Variants in NBAS observed in about 807,000 individuals in gnomAD.
NBAS encodes NBAS subunit of NRZ tethering complex.
A neutral mutation model predicts 302.5 loss-of-function variants in NBAS; 219 were observed. That is an observed-to-expected ratio of 0.72 (90% CI 0.65 to 0.81). The LOEUF is 0.81. Among genes scored for constraint, NBAS ranks in the 30% least tolerant of loss-of-function variants. NBAS has a pLI of 0.00. For synonymous variants in NBAS, 1,118 were observed against 1,021.6 expected (o/e 1.09, Z -1.80); for missense variants, 2,932 against 2,841.6 (o/e 1.03, Z -0.72).
At chr2:14,859,028 A>G in the NBAS span, among the ~76,000 whole-genome samples, 1 of 152,066 alleles carries the variant, frequency 6.6e-6, no homozygotes, top group Non-Finnish European at 1.5e-5. Flanking sequence ...AGTAGCATTT[A>G]TATATGCCAA....
the NBAS span, among the ~76,000 whole-genome samples, chr2:15,154,716 ACCC>A: frequency 1.3e-5 from 2 of 152,090 alleles, no homozygotes; most frequent in Non-Finnish European, 1.5e-5. Flanking sequence ...CATCAAGCTG[ACCC>A]TGCACTGATT....
the NBAS span, among the ~76,000 whole-genome samples, chr2:15,078,427 G>A: frequency 1.3e-5 from 2 of 152,112 alleles, no homozygotes; most frequent in South Asian, 2.1e-4. Context: ...TCCTTTCTTC[G>A]AGAAAGTTCA....
chr2:15,253,517 T>C (rs545348582), intron 44 of NBAS, among the ~76,000 whole-genome samples: 1 of 152,302 alleles, frequency 6.6e-6, no homozygotes, highest in East Asian at 1.9e-4. Flanking sequence ...CTGAGGTATG[T>C]GTGCCACTAG....
At chr2:15,188,849 G>T (rs143363051) in intron 49 of NBAS, among the ~76,000 whole-genome samples, 15 of 152,112 alleles carry the variant, frequency 9.9e-5, no homozygotes, top group Non-Finnish European at 1.9e-4. Context: ...GGGAAATGAG[G>T]GTTAAGAAGA....
At chr2:15,119,846 T>C in the NBAS span, among the ~76,000 whole-genome samples, 1 of 152,068 alleles carries the variant, frequency 6.6e-6, no homozygotes, top group Non-Finnish European at 1.5e-5. Context: ...TCTGCAAAGT[T>C]TGTCACCTTA....
intron 9 of NBAS, among the ~76,000 whole-genome samples, chr2:15,527,999 C>T (rs934585885): frequency 6.6e-6 from 1 of 152,072 alleles, no homozygotes; most frequent in Non-Finnish European, 1.5e-5. Flanking sequence ...CTTACCACTC[C>T]CAATTAATGG....
intron 41 of NBAS, 78 bp from the exon 42 acceptor site, chr2:15,287,261 A>T (rs1670087977): frequency 1.9e-6 from 2 of 1,074,312 alleles, no homozygotes; most frequent in South Asian, 2.6e-5. Flanking sequence ...AATGCTCATT[A>T]GGACTGCTCT....
intron 50 of NBAS, among the ~76,000 whole-genome samples, chr2:15,180,813 G>T (rs1664783866): frequency 6.6e-6 from 1 of 152,190 alleles, no homozygotes; most frequent in Non-Finnish European, 1.5e-5. Context: ...AGGCAGTATG[G>T]CTGCTGGGTG....
At chr2:15,041,895 G>A in the NBAS span, among the ~76,000 whole-genome samples, 125,198 of 152,130 alleles carry the variant, frequency 0.82, 51,872 homozygotes, top group East Asian at 0.99. Flanking sequence ...AGGCCTGGGA[G>A]GATGGGGCCA....
chr2:14,872,715 G>A, the NBAS span, among the ~76,000 whole-genome samples: 1 of 152,192 alleles, frequency 6.6e-6, no homozygotes, highest in Non-Finnish European at 1.5e-5. Flanking sequence ...CTTCAGGAGT[G>A]AAGCTGCAGA....
the NBAS span, among the ~76,000 whole-genome samples, chr2:15,113,669 C>T: frequency 6.6e-6 from 1 of 152,020 alleles, no homozygotes; most frequent in African/African-American, 2.4e-5. Flanking sequence ...ACCCTGATAT[C>T]CTTCTCTCCA....
intron 48 of NBAS, among the ~76,000 whole-genome samples, chr2:15,211,018 GTAGAAAAAAAGAGT>G (rs1666383875): frequency 6.6e-6 from 1 of 151,790 alleles, no homozygotes; most frequent in Non-Finnish European, 1.5e-5. Flanking sequence ...TGATTAATAG[GTAGAAAAAAAGAGT>G]TAGAATAAAT....
the NBAS span, among the ~76,000 whole-genome samples, chr2:15,108,432 C>T: frequency 4.5e-4 from 68 of 152,220 alleles, no homozygotes; most frequent in Middle Eastern, 3.4e-3. Flanking sequence ...AAAACTTTTG[C>T]TCTTTCCACC....
chr2:15,279,190 G>A (rs1669720403), intron 42 of NBAS, among the ~76,000 whole-genome samples: 1 of 152,130 alleles, frequency 6.6e-6, no homozygotes, highest in Non-Finnish European at 1.5e-5. Context: ...GCCAAAAGGA[G>A]GAAAGAAAAC....
chr2:14,991,822 A>G, the NBAS span, among the ~76,000 whole-genome samples: 1 of 152,194 alleles, frequency 6.6e-6, no homozygotes, highest in Non-Finnish European at 1.5e-5. Flanking sequence ...TTTGAGGAGC[A>G]CTGTTCTAGA....
At chr2:14,917,148 C>T in the NBAS span, among the ~76,000 whole-genome samples, 2 of 152,178 alleles carry the variant, frequency 1.3e-5, no homozygotes, top group Admixed American at 6.6e-5. Context: ...TTTGTTGTCT[C>T]ATGATTGTTT....
chr2:15,443,116 T>G (rs999124552), intron 21 of NBAS, among the ~76,000 whole-genome samples: 4 of 151,952 alleles, frequency 2.6e-5, no homozygotes, highest in Non-Finnish European at 5.9e-5. Context: ...CTATTCCAAT[T>G]AACAGAAAAA....
At chr2:15,119,500 C>CTG in the NBAS span, among the ~76,000 whole-genome samples, 1 of 151,886 alleles carries the variant, frequency 6.6e-6, no homozygotes, top group Non-Finnish European at 1.5e-5. Flanking sequence ...GCCACCACGC[C>CTG]CAGCTAATTT....
the NBAS span, among the ~76,000 whole-genome samples, chr2:15,080,972 G>A: frequency 1.3e-5 from 2 of 152,080 alleles, no homozygotes; most frequent in Non-Finnish European, 2.9e-5. Context: ...TTGATGGACA[G>A]CTGCCAAGGA....
Sources: allele counts gnomAD v4.1 joint callset (sites outside exome capture counted in the v4.1 genomes callset), GRCh38; gene constraint gnomAD v4.1.1; transcripts MANE v1.5; gene names NCBI Gene and HGNC (gene_info 2026-07-23, HGNC 2026-07-21).